Variants in CSPP1 observed in about 807,000 individuals in gnomAD.
CSPP1 encodes the protein centrosome and spindle pole-associated protein 1.
A neutral mutation model predicts 164.4 loss-of-function variants in CSPP1; 126 were observed. The observed-to-expected ratio is 0.77, with a 90% confidence interval of 0.66 to 0.89. CSPP1 has a LOEUF of 0.89. Ranked by LOEUF, CSPP1 falls within the 40% of genes least tolerant of loss-of-function variation. CSPP1 has a pLI of 0.00. For missense variants in CSPP1, 1,395 were observed against 1,449.8 expected, an observed-to-expected ratio of 0.96 and a Z score of 0.61; for synonymous variants, 472 against 476.7, an observed-to-expected ratio of 0.99 and a Z score of 0.13.
intron 21 of CSPP1, among the ~76,000 whole-genome samples, chr8:67,159,846 C>CTT (rs1326846038): frequency 1.5e-3 from 181 of 120,986 alleles, no homozygotes; most frequent in African/African-American, 2.0e-3. Context: ...TTCTTTCTTT[C>CTT]TTTCTTTTTC....
rs761979386 is a variant in CSPP1, at chr8:67,154,128, C to T, written c.2233C>T (p.Arg745Cys). The T allele has an allele frequency of 4.8e-5, 71 of 1,481,672 alleles. No homozygotes were observed. Among genetic ancestry groups the T allele is most frequent in the Non-Finnish European group, 5.7e-5 (61 of 1,062,058 alleles). 91.8% of individuals were successfully genotyped at this position (1,481,672 alleles called of 1,614,324 possible). ...GCAAGAATTATACAAGAATTTTCTT[C>T]GTTTCCAGGTGAAATGCTATTTGAT... is the stretch of plus-strand genomic sequence containing the variant. ...KQQELYKNFL[R>C]FQIEEKKQRE... The change falls in exon 19 of 31, where the codon CGT becomes TGT. Residue 745 changes from arginine to cysteine, a missense_variant. Coordinates refer to ENST00000678616, the MANE Select transcript of CSPP1 (RefSeq NM_001382391.1).
Position 67,195,683 on chromosome 8 carries a change from C to A in CSPP1, c.*90C>A. 1 of 1,015,674 alleles carries A rather than the reference C, an allele frequency of 9.8e-7. No homozygotes were observed. Among genetic ancestry groups the A allele is most frequent in the Non-Finnish European group, 1.5e-6 (1 of 683,104 alleles). 62.9% of individuals were successfully genotyped at this position (1,015,674 alleles called of 1,614,324 possible). The stretch of plus-strand genomic sequence containing the variant: ...AATATGTCCTACTTTTGGCCCCTAC[C>A]TGAAAGTTACTTTTTTTCCATCATC... On this transcript the variant is annotated 3_prime_UTR_variant, in exon 31 of 31. Transcript: ENST00000678616.
rs1256477017 is a variant in CSPP1 at position 67,195,712 on chromosome 8, A to T, written c.*119A>T. 1.4e-6 allele frequency: 1 copy of T among 706,182 alleles called. No homozygotes were observed. The highest frequency in any genetic ancestry group is 2.7e-5 in the East Asian group (1 of 36,754). 43.7% of individuals were successfully genotyped at this position (706,182 alleles called of 1,614,324 possible). A position where few individuals can be genotyped will look rare whatever the true frequency, so the allele number is the denominator to read the frequency against. On this transcript the variant is annotated 3_prime_UTR_variant, in exon 31 of 31. Transcript: ENST00000678616. The stretch of plus-strand genomic sequence containing the variant: ...AAGTTACTTTTTTTCCATCATCTGT[A>T]TATAAAATTATTTTTATCATGATGT...
chr8:67,113,880 C>A lies in CSPP1; in HGVS notation c.1245+18C>A. 2.0e-6 allele frequency: 3 copies of A among 1,485,564 alleles called. No individual in the cohort carries two copies. Among genetic ancestry groups the A allele is most frequent in the Non-Finnish European group, 2.8e-6 (3 of 1,072,734 alleles). 92.0% of individuals were successfully genotyped at this position (1,485,564 alleles called of 1,614,324 possible). ...AGAAATCGGTAAGGGTTTCTGGCAT[C>A]TTTTAATGTTTAATCTTTCATCAAA... is the stretch of plus-strand genomic sequence containing the variant. On this transcript the variant is annotated intron_variant, in intron 11 of 30. Coordinates refer to ENST00000678616, the MANE Select transcript of CSPP1 (RefSeq NM_001382391.1).
intron 15 of CSPP1, among the ~76,000 whole-genome samples, chr8:67,130,987 T>C (rs1017649166): frequency 2.0e-5 from 3 of 152,088 alleles, no homozygotes; most frequent in African/African-American, 7.2e-5. Context: ...AAACTCCGTC[T>C]CAAAACAAAA....
At chr8:67,142,090 A>G (rs1823625172) in intron 17 of CSPP1, among the ~76,000 whole-genome samples, 1 of 152,176 alleles carries the variant, frequency 6.6e-6, no homozygotes, top group Admixed American at 6.5e-5. Context: ...TATTCATGCA[A>G]CTTTAAAGTA....
At chr8:67,193,382 G>T in intron 29 of CSPP1, 82 bp from the exon 30 acceptor site, 1 of 1,259,178 alleles carries the variant, frequency 7.9e-7, no homozygotes, top group African/African-American at 1.5e-5. Flanking sequence ...CAGGTGATAG[G>T]CACCATGCCT....
chr8:67,159,281 T>C, intron 21 of CSPP1, 144 bp downstream of exon 21: 1 of 754,556 alleles, frequency 1.3e-6, no homozygotes, highest in Non-Finnish European at 2.2e-6. Context: ...GGGCACAATG[T>C]ACTGAACTTT....
In CSPP1 at chr8:67,076,655, A is replaced by G. The variant is rs143887656; in HGVS notation, c.199+74A>G. On this transcript the variant is annotated intron_variant, in intron 3 of 30. Coordinates refer to ENST00000678616, the MANE Select transcript of CSPP1 (RefSeq NM_001382391.1). Reference sequence around the variant, plus strand: ...TCTTCTGAAAGAGGTTTGTCTTGTCAGAAAAAAAGATTTATTTGGAATCCT... The same window carrying G: ...TCTTCTGAAAGAGGTTTGTCTTGTCGGAAAAAAAGATTTATTTGGAATCCT... 7.6e-4 allele frequency: 604 copies of G among 798,604 alleles called. 3 individuals carry two copies. In the African/African-American group the frequency reaches 0.01, roughly 13 times the overall value. 49.5% of individuals were successfully genotyped at this position (798,604 alleles called of 1,614,324 possible).
At chr8:67,067,322 T>TA (rs1383623179) in intron 1 of CSPP1, among the ~76,000 whole-genome samples, 2 of 152,354 alleles carry the variant, frequency 1.3e-5, no homozygotes, top group Admixed American at 1.3e-4. Flanking sequence ...GGTCTGCTTA[T>TA]ATCTATATGA....
At chr8:67,160,555 T>G (rs1488887749) in intron 21 of CSPP1, among the ~76,000 whole-genome samples, 3 of 152,028 alleles carry the variant, frequency 2.0e-5, no homozygotes, top group Non-Finnish European at 4.4e-5. Context: ...ATGCTATTTT[T>G]TAAGGAATAT....
intron 27 of CSPP1, among the ~76,000 whole-genome samples, chr8:67,178,231 A>C (rs1314049414): frequency 6.6e-6 from 1 of 152,178 alleles, no homozygotes; most frequent in Non-Finnish European, 1.5e-5. Context: ...CAGTAGTGGG[A>C]GTAGGAGTCT....
chr8:67,149,947 CTTTTTTTT>C lies in CSPP1; in HGVS notation c.2128+29_2128+36del, dbSNP rs11296619. On this transcript the variant is annotated intron_variant, in intron 18 of 30. Coordinates refer to ENST00000678616, the MANE Select transcript of CSPP1 (RefSeq NM_001382391.1). ...AAATAAAAGCTCAGGTTTTTAATCACTTTTTTTTTTTTTTTTTTTTTTTTACATTTCTG... is the reference window on the plus strand; with the variant it reads ...AAATAAAAGCTCAGGTTTTTAATCACTTTTTTTTTTTTTTTTACATTTCTG... 8.0e-5 allele frequency: 91 copies of C among 1,139,054 alleles called. 1 individual carries two copies. The highest frequency in any genetic ancestry group is 7.7e-4 in the South Asian group (35 of 45,680). 70.6% of individuals were successfully genotyped at this position (1,139,054 alleles called of 1,614,324 possible).
Position 67,158,591 on chromosome 8 carries a change from G to A in CSPP1, c.2386G>A (p.Glu796Lys). ...ACAGGAAAAGAAAAGAGAGAAAGAG[G>A]AGGAGGTACATCTTTTTTCCCTATT... ...EEQEKKREKE[E>K]EQRLKNEEHI... Residue 796 changes from glutamate (E) to lysine (K), a missense_variant, in exon 20 of 31, where the codon GAG (glutamate) becomes AAG (lysine). Physicochemically the swap from Glu to Lys is moderately conservative, Grantham distance 56. Transcript: ENST00000678616. The A allele has an allele frequency of 6.3e-7, 1 of 1,587,676 alleles. No homozygotes were observed. Among genetic ancestry groups the A allele is most frequent in the South Asian group, 1.2e-5 (1 of 86,908 alleles).
chr8:67,185,158 C>G (rs1834229325), intron 28 of CSPP1, among the ~76,000 whole-genome samples: 1 of 151,892 alleles, frequency 6.6e-6, no homozygotes, highest in Admixed American at 6.6e-5. Context: ...ACAACATAGT[C>G]CAAGAGCCTG....
At chr8:67,131,379 C>A (rs1239179181) in intron 15 of CSPP1, among the ~76,000 whole-genome samples, 1 of 152,036 alleles carries the variant, frequency 6.6e-6, no homozygotes, top group South Asian at 2.1e-4. Context: ...GAAGTAGGAC[C>A]CTGTCCCAAA....
intron 5 of CSPP1, among the ~76,000 whole-genome samples, chr8:67,092,344 C>T (rs1195934855): frequency 6.6e-6 from 1 of 152,082 alleles, no homozygotes; most frequent in Non-Finnish European, 1.5e-5. Context: ...CACTGTACAC[C>T]TCTTGTAGTG....
Position 67,163,717 on chromosome 8 carries a change from A to G in CSPP1, c.2644-15A>G, listed in dbSNP as rs1490169178. 1 of 1,602,716 alleles carries G rather than the reference A, an allele frequency of 6.2e-7. No homozygotes were observed. The highest frequency in any genetic ancestry group is 1.3e-5 in the African/African-American group (1 of 74,502). On this transcript the variant is annotated splice_polypyrimidine_tract_variant and intron_variant, in intron 22 of 30. Coordinates refer to ENST00000678616, the MANE Select transcript of CSPP1 (RefSeq NM_001382391.1). ...AAGACATACTGAACATGTCTTTGTC[A>G]TTATTGTTGAACAGGAAAGTTCCAT...
chr8:67,100,952 G>T (rs1458780777), intron 7 of CSPP1, among the ~76,000 whole-genome samples: 1 of 152,178 alleles, frequency 6.6e-6, no homozygotes, highest in South Asian at 2.1e-4. Flanking sequence ...AGGACTTTGG[G>T]TATAGTTGTA....
Sources: gnomAD v4.1 joint callset for allele counts (sites outside exome capture counted in the v4.1 genomes callset) on GRCh38, gnomAD v4.1.1 for gene constraint, MANE v1.5 for transcripts, NCBI Gene and HGNC (gene_info 2026-07-23, HGNC 2026-07-21) for gene names.